The following MAF variants were observed in gnomAD, a reference collection of about 807,000 sequenced individuals.
The protein encoded by MAF is MAF bZIP transcription factor.
MAF carries 10 observed loss-of-function variants against 22.0 expected under a neutral mutation model. The ratio of observed to expected loss-of-function variants is 0.45; its 90% CI spans 0.28 to 0.77. The LOEUF (loss-of-function observed/expected upper bound fraction) is 0.77. MAF is among the 30% of genes least tolerant of loss of function. The probability of loss-of-function intolerance (pLI) is 0.12; values close to 1 mark genes in which losing one functional copy is unlikely to be tolerated. For missense variants in MAF, 544 were observed against 548.4 expected (o/e 0.99, Z 0.08); for synonymous variants, 337 against 255.8 (o/e 1.32, Z -3.03).
the MAF span, among the ~76,000 whole-genome samples, chr16:79,398,755 T>A: frequency 6.6e-6 from 1 of 152,168 alleles, no homozygotes; most frequent in Non-Finnish European, 1.5e-5. Flanking sequence ...CCTGCTCAGC[T>A]AGGCCCCTCT....
At chr16:79,483,725 A>G in the MAF span, among the ~76,000 whole-genome samples, 1 of 152,190 alleles carries the variant, frequency 6.6e-6, no homozygotes, top group African/African-American at 2.4e-5. Flanking sequence ...GCTGTATGGC[A>G]GGCATAGAGA....
chr16:79,481,234 G>GCTT, the MAF span, among the ~76,000 whole-genome samples: 1 of 148,342 alleles, frequency 6.7e-6, no homozygotes, highest in South Asian at 2.1e-4. Context: ...TTCCACAACA[G>GCTT]TTTTTTTTTT....
At chr16:79,379,311 C>A in the MAF span, among the ~76,000 whole-genome samples, 10 of 152,286 alleles carry the variant, frequency 6.6e-5, no homozygotes, top group Admixed American at 2.0e-4. Flanking sequence ...GAAATGGGAG[C>A]ACTGGCATGT....
chr16:79,562,105 T>A, the MAF span, among the ~76,000 whole-genome samples: 3 of 152,136 alleles, frequency 2.0e-5, no homozygotes, highest in Non-Finnish European at 4.4e-5. Flanking sequence ...CCCCTTTCCA[T>A]CCCTATTCCC....
chr16:79,445,504 G>A, the MAF span, among the ~76,000 whole-genome samples: 7 of 152,274 alleles, frequency 4.6e-5, no homozygotes, highest in African/African-American at 1.4e-4. Flanking sequence ...GCTCAGCTGG[G>A]ATTCAAAACC....
At chr16:79,385,661 G>A in the MAF span, among the ~76,000 whole-genome samples, 1 of 152,184 alleles carries the variant, frequency 6.6e-6, no homozygotes, top group Non-Finnish European at 1.5e-5. Flanking sequence ...AGCACTTTGG[G>A]AGGCTGCGGC....
At chr16:79,580,342 A>G in the MAF span, among the ~76,000 whole-genome samples, 1 of 152,186 alleles carries the variant, frequency 6.6e-6, no homozygotes, top group African/African-American at 2.4e-5. Flanking sequence ...ATCAGAGCAA[A>G]CAGATGGAAC....
At chr16:79,320,653 G>A in the MAF span, among the ~76,000 whole-genome samples, 89,732 of 152,094 alleles carry the variant, frequency 0.59, 28,536 homozygotes, top group South Asian at 0.73. Flanking sequence ...ATGAATGAAT[G>A]TGCCTCCAGC....
the MAF span, among the ~76,000 whole-genome samples, chr16:79,421,602 G>A: frequency 2.0e-5 from 3 of 151,524 alleles, no homozygotes; most frequent in Non-Finnish European, 1.5e-5. Context: ...CCAGGCCGGA[G>A]AAAAGGGAAA....
the MAF span, among the ~76,000 whole-genome samples, chr16:79,369,236 A>G: frequency 1.1e-3 from 166 of 152,308 alleles, no homozygotes; most frequent in Non-Finnish European, 2.9e-4. Flanking sequence ...TAGATCCATT[A>G]AATGATTTGG....
the MAF span, among the ~76,000 whole-genome samples, chr16:79,374,007 T>C: frequency 1.3e-5 from 2 of 151,872 alleles, no homozygotes; most frequent in Non-Finnish European, 2.9e-5. Context: ...ATCCTGAGAG[T>C]TGGGGTGATT....
chr16:79,247,268 T>G, the MAF span, among the ~76,000 whole-genome samples: 4 of 152,166 alleles, frequency 2.6e-5, no homozygotes, highest in Non-Finnish European at 4.4e-5. Flanking sequence ...GGAGAATAGT[T>G]TAAGAAGAAA....
chr16:79,415,313 C>T, the MAF span, among the ~76,000 whole-genome samples: 493 of 146,862 alleles, frequency 3.4e-3, 5 homozygotes, highest in African/African-American at 0.012. Context: ...GGAGGAAGGA[C>T]GGAAGGAGAG....
the MAF span, among the ~76,000 whole-genome samples, chr16:79,403,021 G>T: frequency 6.6e-6 from 1 of 152,172 alleles, no homozygotes; most frequent in Admixed American, 6.5e-5. Context: ...GAGCAGACCT[G>T]GGTGAAATCC....
the MAF span, among the ~76,000 whole-genome samples, chr16:79,311,349 T>C: frequency 6.6e-6 from 1 of 152,174 alleles, no homozygotes. Flanking sequence ...CTACTTCTTT[T>C]TTGAAAAGGA....
chr16:79,244,309 A>G, the MAF span, among the ~76,000 whole-genome samples: 1 of 152,078 alleles, frequency 6.6e-6, no homozygotes, highest in Non-Finnish European at 1.5e-5. Context: ...TTGCATATTT[A>G]GAAAACCCCA....
the MAF span, among the ~76,000 whole-genome samples, chr16:79,339,659 A>G: frequency 2.0e-5 from 3 of 152,244 alleles, no homozygotes; most frequent in African/African-American, 4.8e-5. Context: ...AAAAATAACA[A>G]TATTATTTGT....
chr16:79,505,252 G>A, the MAF span, among the ~76,000 whole-genome samples: 1 of 152,158 alleles, frequency 6.6e-6, no homozygotes, highest in African/African-American at 2.4e-5. Flanking sequence ...AATTCAAAAT[G>A]TAATCTGGAA....
chr16:79,517,741 AT>A, the MAF span, among the ~76,000 whole-genome samples: 1 of 151,922 alleles, frequency 6.6e-6, no homozygotes, highest in African/African-American at 2.4e-5. Context: ...TGCCCGGCTA[AT>A]TTTTGTATTT....
Sources: gnomAD v4.1 joint callset for allele counts (sites outside exome capture counted in the v4.1 genomes callset) on GRCh38, gnomAD v4.1.1 for gene constraint, MANE v1.5 for transcripts, NCBI Gene and HGNC (gene_info 2026-07-23, HGNC 2026-07-21) for gene names.